Variants in TMEM156 observed in about 807,000 individuals in gnomAD.
TMEM156 encodes transmembrane protein 156.
Under a neutral mutation model 30.5 loss-of-function variants are expected in TMEM156, and 28 were observed. That is an observed-to-expected ratio of 0.92 (90% confidence interval 0.68 to 1.26). The LOEUF is 1.26. TMEM156 is among the 50% of genes most tolerant of loss of function. The probability of loss-of-function intolerance (pLI) is 0.00; values close to 1 mark genes in which losing one functional copy is unlikely to be tolerated. For synonymous variants in TMEM156, 137 were observed against 119.9 expected (o/e 1.14, Z -0.93); for missense variants, 351 against 340.6 (o/e 1.03, Z -0.24).
At chr4:38,999,683 C>T (rs1229006428) in intron 1 of TMEM156, among the ~76,000 whole-genome samples, 3 of 152,204 alleles carry the variant, frequency 2.0e-5, no homozygotes, top group East Asian at 1.9e-4. Flanking sequence ...GAGAGGTCTA[C>T]ATGATTGTAC....
intron 3 of TMEM156, among the ~76,000 whole-genome samples, chr4:38,991,789 T>C (rs2109945360): frequency 1.3e-5 from 2 of 152,282 alleles, no homozygotes; most frequent in Non-Finnish European, 2.9e-5. Flanking sequence ...GAAAAAAATA[T>C]GTTTTTGATG....
At chr4:39,026,377 A>AG (rs57815140) in intron 1 of TMEM156, among the ~76,000 whole-genome samples, 106,782 of 151,314 alleles carry the variant, frequency 0.71, 37,978 homozygotes, top group African/African-American at 0.79. Context: ...AAAATTAAAA[A>AG]AAAAAGAGAT....
At chr4:38,982,140 C>G (rs7661743) in intron 5 of TMEM156, among the ~76,000 whole-genome samples, 73,858 of 151,880 alleles carry the variant, frequency 0.49, 18,557 homozygotes, top group African/African-American at 0.62. Context: ...GCAGAAGAAC[C>G]TGGAAAGATT....
At chr4:38,990,023 G>T (rs544742025) in intron 3 of TMEM156, among the ~76,000 whole-genome samples, 1 of 152,134 alleles carries the variant, frequency 6.6e-6, no homozygotes, top group African/African-American at 2.4e-5. Context: ...TTGAACTCCT[G>T]GCCTCGGGCA....
At chr4:38,971,506 G>C (rs1471623442) in intron 5 of TMEM156, among the ~76,000 whole-genome samples, 2 of 152,148 alleles carry the variant, frequency 1.3e-5, no homozygotes, top group African/African-American at 4.8e-5. Flanking sequence ...TGATGTCTTT[G>C]ATCTCAGGGA....
At chr4:39,022,177 G>A (rs375118872) in intron 1 of TMEM156, among the ~76,000 whole-genome samples, 2 of 152,144 alleles carry the variant, frequency 1.3e-5, no homozygotes, top group African/African-American at 4.8e-5. Flanking sequence ...CTTTTCACAC[G>A]TCACAGGTAA....
At chr4:38,989,481 A>G (rs1180074974) in intron 3 of TMEM156, among the ~76,000 whole-genome samples, 1 of 152,274 alleles carries the variant, frequency 6.6e-6, no homozygotes, top group Non-Finnish European at 1.5e-5. Context: ...CCCTCTTTCC[A>G]CAGGGTAATA....
At chr4:38,975,668 C>T (rs553006952) in intron 5 of TMEM156, among the ~76,000 whole-genome samples, 6 of 152,176 alleles carry the variant, frequency 3.9e-5, no homozygotes, top group South Asian at 2.1e-4. Flanking sequence ...TGAGCCACTG[C>T]GCCTGGCCTG....
At chr4:38,975,277 TATTGTC>T (rs1425616494) in intron 5 of TMEM156, among the ~76,000 whole-genome samples, 2 of 152,192 alleles carry the variant, frequency 1.3e-5, no homozygotes, top group Non-Finnish European at 2.9e-5. Flanking sequence ...ACTTTTATTT[TATTGTC>T]ATTAAGTACC....
chr4:38,995,784 CCAAT>C (rs1712883682), intron 2 of TMEM156, among the ~76,000 whole-genome samples: 1 of 152,150 alleles, frequency 6.6e-6, no homozygotes, highest in Admixed American at 6.5e-5. Context: ...TTGCTTATAA[CCAAT>C]CAAAGGCAGA....
chr4:38,971,255 G>C, intron 5 of TMEM156, 118 bp from the exon 6 acceptor site: 2 of 914,156 alleles, frequency 2.2e-6, no homozygotes, highest in Non-Finnish European at 3.3e-6. Context: ...AAAGGATTTT[G>C]GGACTTTCTA....
At chr4:39,025,905 T>G (rs1217650573) in intron 1 of TMEM156, among the ~76,000 whole-genome samples, 5 of 152,240 alleles carry the variant, frequency 3.3e-5, no homozygotes, top group African/African-American at 1.2e-4. Context: ...AATCACAAGA[T>G]GTTTGTGAAC....
At chr4:39,011,052 GAAAC>G (rs1251608226) in intron 1 of TMEM156, among the ~76,000 whole-genome samples, 28 of 151,928 alleles carry the variant, frequency 1.8e-4, no homozygotes, top group Admixed American at 1.6e-3. Flanking sequence ...ATAAGGAACT[GAAAC>G]AAACCAACAA....
intron 5 of TMEM156, among the ~76,000 whole-genome samples, chr4:38,974,079 G>A (rs6846870): frequency 8.5e-5 from 9 of 105,742 alleles, no homozygotes; most frequent in Admixed American, 4.0e-4. Context: ...GTGTGTGTGT[G>A]TGTGTATGTG....
intron 1 of TMEM156, among the ~76,000 whole-genome samples, chr4:39,018,908 C>T (rs897566394): frequency 6.6e-6 from 1 of 151,850 alleles, no homozygotes; most frequent in Non-Finnish European, 1.5e-5. Flanking sequence ...ATAATCCCAG[C>T]TACTCAGGAG....
At chr4:39,024,436 T>G (rs1715072779) in intron 1 of TMEM156, among the ~76,000 whole-genome samples, 1 of 152,140 alleles carries the variant, frequency 6.6e-6, no homozygotes, top group African/African-American at 2.4e-5. Context: ...AACTGAACAC[T>G]TAAGATCTTT....
At chr4:39,009,668 G>T (rs549199247) in intron 1 of TMEM156, among the ~76,000 whole-genome samples, 1 of 152,034 alleles carries the variant, frequency 6.6e-6, no homozygotes, top group Non-Finnish European at 1.5e-5. Flanking sequence ...CTCAATAGAC[G>T]CAGAAAAAGC....
chr4:38,971,401 T>C (rs1347511799), intron 5 of TMEM156, among the ~76,000 whole-genome samples: 1 of 152,210 alleles, frequency 6.6e-6, no homozygotes, highest in African/African-American at 2.4e-5. Flanking sequence ...AAGTCCAGTG[T>C]CAAGTAGCAA....
chr4:39,026,840 T>A (rs929091423), intron 1 of TMEM156, among the ~76,000 whole-genome samples: 3 of 151,982 alleles, frequency 2.0e-5, no homozygotes, highest in Non-Finnish European at 4.4e-5. Flanking sequence ...GGCAGGAAAA[T>A]GGCTTGAACC....
Sources: gnomAD v4.1 joint callset for allele counts (sites outside exome capture counted in the v4.1 genomes callset) on GRCh38, gnomAD v4.1.1 for gene constraint, MANE v1.5 for transcripts, NCBI Gene and HGNC (gene_info 2026-07-23, HGNC 2026-07-21) for gene names.